The following MMP16 variants were observed in gnomAD, a reference collection of about 807,000 sequenced individuals.
The protein encoded by MMP16 is matrix metalloproteinase-16.
Under a neutral mutation model 67.8 loss-of-function variants are expected in MMP16, and 12 were observed. The observed-to-expected ratio is 0.18, with a 90% CI of 0.11 to 0.29. MMP16 has a LOEUF of 0.29. Ranked by LOEUF, MMP16 falls within the 10% of genes least tolerant of loss-of-function variation. The pLI, the probability that MMP16 is intolerant of heterozygous loss-of-function variation, is 1.00. For missense variants in MMP16, 475 were observed against 765.7 expected (o/e 0.62, Z 4.48); for synonymous variants, 249 against 255.9 (o/e 0.97, Z 0.26).
intron 7 of MMP16, among the ~76,000 whole-genome samples, chr8:88,057,293 C>T (rs1053374225): frequency 4.6e-5 from 7 of 152,134 alleles, no homozygotes; most frequent in African/African-American, 1.7e-4. Context: ...CTCTCCTCTT[C>T]TTATCCTAAA....
intron 1 of MMP16, among the ~76,000 whole-genome samples, chr8:88,200,004 A>G (rs1339633234): frequency 2.0e-5 from 3 of 152,038 alleles, no homozygotes; most frequent in Non-Finnish European, 2.9e-5. Context: ...GGATTAACTG[A>G]GAATACACAA....
rs886442914 is a variant in MMP16 at position 88,034,115 on chromosome 8, G to A, written c.*7346C>T. On this transcript the variant is annotated 3_prime_UTR_variant, in exon 10 of 10. Coordinates refer to ENST00000286614, the MANE Select transcript of MMP16 (RefSeq NM_005941.5). ...GATGTATGTCAACTTTGCTGGGACT[G>A]TCTTTGCATGGAAGTTTTGACGAAA... 1.3e-5 allele frequency: 2 copies of A among 151,766 alleles called. No homozygotes were observed. The highest frequency in any genetic ancestry group is 2.1e-4 in the South Asian group (1 of 4,820). The allele number at this position is 151,766 out of a possible 1,614,324, so 9.4% of individuals were successfully genotyped here.
chr8:88,116,286 G>A (rs28907642), intron 6 of MMP16, among the ~76,000 whole-genome samples: 230 of 152,092 alleles, frequency 1.5e-3, no homozygotes, highest in Non-Finnish European at 2.5e-3. Flanking sequence ...AGGCATTTTA[G>A]CTTCTGCTGA....
chr8:88,208,384 C>A (rs13265739), intron 1 of MMP16, among the ~76,000 whole-genome samples: 6 of 152,212 alleles, frequency 3.9e-5, no homozygotes, highest in Non-Finnish European at 8.8e-5. Context: ...TATGCTTTGT[C>A]CCTGAAGTCA....
intron 4 of MMP16, among the ~76,000 whole-genome samples, chr8:88,153,257 G>A (rs1181095447): frequency 1.3e-5 from 2 of 152,032 alleles, no homozygotes; most frequent in African/African-American, 2.4e-5. Flanking sequence ...TCATGGGTAG[G>A]AAGAATCAAT....
intron 1 of MMP16, among the ~76,000 whole-genome samples, chr8:88,234,932 T>A (rs1809917101): frequency 6.6e-6 from 1 of 152,198 alleles, no homozygotes; most frequent in Non-Finnish European, 1.5e-5. Flanking sequence ...GGATCAGGTG[T>A]TATTAACCCC....
At chr8:88,256,868 CT>C (rs1810310882) in intron 1 of MMP16, among the ~76,000 whole-genome samples, 1 of 152,078 alleles carries the variant, frequency 6.6e-6, no homozygotes, top group African/African-American at 2.4e-5. Flanking sequence ...TATTTTATTT[CT>C]TTTATTTCAG....
intron 4 of MMP16, among the ~76,000 whole-genome samples, chr8:88,141,652 A>G (rs1279220177): frequency 1.3e-5 from 2 of 152,198 alleles, no homozygotes; most frequent in African/African-American, 4.8e-5. Flanking sequence ...GGCACTTAAC[A>G]GAATTTGATA....
At chr8:88,112,702 T>G (rs2118416723) in intron 6 of MMP16, among the ~76,000 whole-genome samples, 1 of 151,732 alleles carries the variant, frequency 6.6e-6, no homozygotes. Flanking sequence ...TATGTATGTA[T>G]GTAGATACAT....
At chr8:88,106,745 A>G (rs779000305) in intron 6 of MMP16, among the ~76,000 whole-genome samples, 10 of 151,288 alleles carry the variant, frequency 6.6e-5, no homozygotes, top group African/African-American at 1.5e-4. Context: ...CTTAAAATGC[A>G]TATGAATCTC....
At chr8:88,249,069 G>C (rs915438365) in intron 1 of MMP16, among the ~76,000 whole-genome samples, 5 of 151,850 alleles carry the variant, frequency 3.3e-5, no homozygotes, top group African/African-American at 9.7e-5. Flanking sequence ...GTTCCTCAGA[G>C]ACGCCTGGAA....
chr8:88,033,280 AATCT>A lies in MMP16; in HGVS notation c.*8177_*8180del, dbSNP rs1291561672. 1 of 142,918 alleles carries A rather than the reference AATCT, an allele frequency of 7.0e-6. No individual in the cohort carries two copies. Among genetic ancestry groups the A allele is most frequent in the East Asian group, 2.1e-4 (1 of 4,876 alleles). The allele number at this position is 142,918 out of a possible 1,614,324, so 8.9% of individuals were successfully genotyped here. On this transcript the variant is annotated 3_prime_UTR_variant, in exon 10 of 10. Coordinates refer to ENST00000286614, the MANE Select transcript of MMP16 (RefSeq NM_005941.5). Reference sequence around the variant, plus strand: ...AAGTTTATGGGAGCTTTTTCTCCTTAATCTATCTAGTAAATATATATATATATAT... The same window carrying A: ...AAGTTTATGGGAGCTTTTTCTCCTTAATCTAGTAAATATATATATATATAT...
At chr8:88,134,455 C>CA (rs1808084260) in intron 4 of MMP16, among the ~76,000 whole-genome samples, 1 of 151,616 alleles carries the variant, frequency 6.6e-6, no homozygotes, top group Non-Finnish European at 1.5e-5. Context: ...TATTTTTACT[C>CA]AGAGAAGTAC....
At chr8:88,121,599 A>G (rs543115681) in intron 4 of MMP16, among the ~76,000 whole-genome samples, 2 of 152,132 alleles carry the variant, frequency 1.3e-5, no homozygotes, top group African/African-American at 4.8e-5. Flanking sequence ...ATTATTCAAA[A>G]TCCTTAATTG....
chr8:88,159,168 T>G (rs1406139268), intron 4 of MMP16, among the ~76,000 whole-genome samples: 2 of 152,202 alleles, frequency 1.3e-5, no homozygotes, highest in Non-Finnish European at 2.9e-5. Flanking sequence ...TGGGTCCATA[T>G]GAACTTTAAA....
chr8:88,175,929 T>C (rs1808882615), intron 3 of MMP16, among the ~76,000 whole-genome samples: 1 of 152,196 alleles, frequency 6.6e-6, no homozygotes, highest in South Asian at 2.1e-4. Context: ...AAGTTGTGCC[T>C]TTGTTCCTCC....
intron 4 of MMP16, among the ~76,000 whole-genome samples, chr8:88,151,373 T>G (rs1291237306): frequency 1.3e-5 from 2 of 149,770 alleles, no homozygotes; most frequent in African/African-American, 2.4e-5. Context: ...CTAATAGACA[T>G]CTACAGAACT....
chr8:88,181,612 C>G (rs1267377245), intron 3 of MMP16, among the ~76,000 whole-genome samples: 2 of 151,226 alleles, frequency 1.3e-5, no homozygotes, highest in Admixed American at 6.6e-5. Context: ...CCAAGATGAA[C>G]TATAGATACA....
intron 1 of MMP16, among the ~76,000 whole-genome samples, chr8:88,291,220 G>A (rs1039768948): frequency 2.6e-5 from 4 of 152,086 alleles, no homozygotes; most frequent in Non-Finnish European, 5.9e-5. Flanking sequence ...GGTCAAGGTT[G>A]CAGTGAGCCA....
Sources: gnomAD v4.1 joint callset for allele counts (sites outside exome capture counted in the v4.1 genomes callset) on GRCh38, gnomAD v4.1.1 for gene constraint, MANE v1.5 for transcripts, NCBI Gene and HGNC (gene_info 2026-07-23, HGNC 2026-07-21) for gene names.